Variants in ANO2 observed in about 807,000 individuals in gnomAD.
The protein encoded by ANO2 is anoctamin-2.
Under a neutral mutation model 124.2 loss-of-function variants are expected in ANO2, and 101 were observed. The observed-to-expected ratio is 0.81, with a 90% CI of 0.69 to 0.96. The LOEUF is 0.96. Ranked by LOEUF, ANO2 falls within the 40% of genes least tolerant of loss-of-function variation. ANO2 has a pLI of 0.00. For synonymous variants in ANO2, 486 were observed against 482.5 expected (o/e 1.01, Z -0.09); for missense variants, 1,293 against 1,274.5 (o/e 1.01, Z -0.22).
At chr12:5,794,626 T>C (rs967142860) in intron 10 of ANO2, among the ~76,000 whole-genome samples, 1 of 152,182 alleles carries the variant, frequency 6.6e-6, no homozygotes, top group Non-Finnish European at 1.5e-5. Context: ...TGTGATCCCA[T>C]ACTGATAGGT....
At chr12:5,784,887 C>T (rs776142436) in intron 10 of ANO2, among the ~76,000 whole-genome samples, 3 of 152,190 alleles carry the variant, frequency 2.0e-5, no homozygotes, top group Non-Finnish European at 4.4e-5. Context: ...GGCCTCTCCC[C>T]TGCCGAGTTT....
intron 7 of ANO2, among the ~76,000 whole-genome samples, chr12:5,811,704 A>G (rs1222857978): frequency 6.6e-6 from 1 of 152,196 alleles, no homozygotes; most frequent in Non-Finnish European, 1.5e-5. Flanking sequence ...GTTATTCAAT[A>G]GTAAAGTCAA....
chr12:5,863,263 C>T (rs1177624626), intron 3 of ANO2, among the ~76,000 whole-genome samples: 1 of 152,204 alleles, frequency 6.6e-6, no homozygotes, highest in Non-Finnish European at 1.5e-5. Flanking sequence ...CCAAAGGCAG[C>T]ACGGCACCTT....
At chr12:5,593,142 T>C (rs1006360606) in intron 20 of ANO2, among the ~76,000 whole-genome samples, 1 of 152,220 alleles carries the variant, frequency 6.6e-6, no homozygotes, top group African/African-American at 2.4e-5. Context: ...TGACAGGATA[T>C]AAGCTCATGA....
intron 24 of ANO2, among the ~76,000 whole-genome samples, chr12:5,565,347 T>C (rs1262536065): frequency 6.6e-6 from 1 of 152,176 alleles, no homozygotes; most frequent in African/African-American, 2.4e-5. Context: ...TTTTATCCTC[T>C]GTCTGCAAAG....
chr12:5,876,492 A>T (rs549655747), intron 3 of ANO2, among the ~76,000 whole-genome samples: 1 of 152,318 alleles, frequency 6.6e-6, no homozygotes, highest in East Asian at 1.9e-4. Flanking sequence ...ATAAACGCAA[A>T]GGATTACAAA....
At position 5,937,588 on chromosome 12, in the gene ANO2, T is replaced by C. The variant is rs1054299961; in HGVS notation, c.22+7608A>G. Among the ~76,000 whole-genome samples the C allele has an allele frequency of 5.9e-5, 9 of 152,344 alleles. No individual in the cohort carries two copies. In the Middle Eastern group the frequency reaches 0.01, roughly 173 times the overall value. On this transcript the variant is annotated intron_variant, in intron 1 of 24. Coordinates refer to ENST00000682330, the MANE Select transcript of ANO2 (RefSeq NM_001364791.2). ...TTATTTGCATGTCTAGTAAGTTTTATGGTATACTGGACATTGTGAATGATA... is the reference window on the plus strand; with the variant it reads ...TTATTTGCATGTCTAGTAAGTTTTACGGTATACTGGACATTGTGAATGATA...
At chr12:5,759,251 G>A (rs571489429) in intron 10 of ANO2, among the ~76,000 whole-genome samples, 2 of 151,602 alleles carry the variant, frequency 1.3e-5, no homozygotes, top group African/African-American at 2.4e-5. Context: ...ACTTAGATAC[G>A]TCATAGTCAA....
At chr12:5,806,580 G>GACCT (rs1467504939) in intron 8 of ANO2, among the ~76,000 whole-genome samples, 2 of 152,228 alleles carry the variant, frequency 1.3e-5, no homozygotes, top group Non-Finnish European at 2.9e-5. Flanking sequence ...ACGTGCCCAA[G>GACCT]ACCTGACCAG....
rs201443918 is a variant in ANO2, at chr12:5,734,654, T to TC, written c.1435-2025_1435-2024insG. On this transcript the variant is annotated intron_variant, in intron 13 of 24. Coordinates refer to ENST00000682330, the MANE Select transcript of ANO2 (RefSeq NM_001364791.2). ...CTCCCTCATCTTTTTTTTCTTTCTTTTTTTTTTTTTTGAGACAGAGTCTCA... is the reference window on the plus strand; with the variant it reads ...CTCCCTCATCTTTTTTTTCTTTCTTTCTTTTTTTTTTTGAGACAGAGTCTCA... 1.3e-4 allele frequency among the ~76,000 whole-genome samples: 19 copies of TC among 150,938 alleles called. No individual in the cohort carries two copies. The East Asian group carries it at 1.9e-3, about 15-fold the overall frequency.
chr12:5,845,256 A>G (rs1157126371), intron 4 of ANO2, among the ~76,000 whole-genome samples: 2 of 149,768 alleles, frequency 1.3e-5, no homozygotes, highest in Non-Finnish European at 3.0e-5. Context: ...GACTTTTTTG[A>G]AACTTTGTCT....
intron 14 of ANO2, among the ~76,000 whole-genome samples, chr12:5,688,961 G>GTGTGAAA (rs1212708230): frequency 6.6e-6 from 1 of 152,060 alleles, no homozygotes; most frequent in African/African-American, 2.4e-5. Flanking sequence ...ATCTCACTAG[G>GTGTGAAA]TGTGAAATGG....
At chr12:5,734,826 T>G (rs1950787631) in intron 13 of ANO2, among the ~76,000 whole-genome samples, 1 of 152,070 alleles carries the variant, frequency 6.6e-6, no homozygotes, top group Admixed American at 6.5e-5. Context: ...TTTTTTGTAC[T>G]TTTAGTAGAG....
At chr12:5,805,416 A>AG (rs1227977340) in intron 9 of ANO2, among the ~76,000 whole-genome samples, 1 of 152,100 alleles carries the variant, frequency 6.6e-6, no homozygotes, top group African/African-American at 2.4e-5. Flanking sequence ...CCCACTGAAG[A>AG]GGTGGGGCCA....
Position 5,612,887 on chromosome 12 carries a change from G to A in ANO2, c.1986+14C>T, listed in dbSNP as rs760120358. On this transcript the variant is annotated intron_variant, in intron 18 of 24. Coordinates refer to ENST00000682330, the MANE Select transcript of ANO2 (RefSeq NM_001364791.2). ...TTGGGGTGCCAGGCATGAAACACCA[G>A]TGGCTGTACTTGCCTCTTCCATGCG... 4.3e-6 allele frequency: 7 copies of A among 1,613,758 alleles called. No homozygotes were observed. The highest frequency in any genetic ancestry group is 4.2e-6 in the Non-Finnish European group (5 of 1,179,790).
In ANO2 at chr12:5,583,423, G is replaced by A. The variant is rs961878108; in HGVS notation, c.2234-4905C>T. On this transcript the variant is annotated intron_variant, in intron 20 of 24. Transcript: ENST00000682330. ...AATCCCAGCACTTTGGGAGGCCGAG[G>A]CGGGCGGATCACAAGGTCAGGAGAT... Among the ~76,000 whole-genome samples the A allele has an allele frequency of 2.1e-4, 32 of 152,182 alleles. No individual in the cohort carries two copies. The East Asian group carries it at 3.1e-3, about 15-fold the overall frequency.
At chr12:5,791,874 T>G (rs1002418384) in intron 10 of ANO2, among the ~76,000 whole-genome samples, 1 of 152,244 alleles carries the variant, frequency 6.6e-6, no homozygotes. Flanking sequence ...ACCACTTTAA[T>G]GAATGTTATA....
At chr12:5,856,256 A>G (rs941371999) in intron 3 of ANO2, 17 of 152,304 alleles carry the variant, frequency 1.1e-4, no homozygotes, top group African/African-American at 3.8e-4. Context: ...TTAACACATT[A>G]CCCTTTGTCT....
intron 3 of ANO2, among the ~76,000 whole-genome samples, chr12:5,876,354 A>G (rs1264667825): frequency 2.0e-5 from 3 of 152,200 alleles, no homozygotes; most frequent in Non-Finnish European, 4.4e-5. Context: ...AGATGTGGAG[A>G]AATATGAATG....
Sources: gnomAD v4.1 joint callset for allele counts (sites outside exome capture counted in the v4.1 genomes callset) on GRCh38, gnomAD v4.1.1 for gene constraint, MANE v1.5 for transcripts, NCBI Gene and HGNC (gene_info 2026-07-23, HGNC 2026-07-21) for gene names.